Variants in ZSCAN25 observed in about 807,000 individuals in gnomAD.
ZSCAN25 encodes zinc finger and SCAN domain containing 25.
ZSCAN25 carries 27 observed loss-of-function variants against 38.7 expected under a neutral mutation model. That is an observed-to-expected ratio of 0.70 (90% CI 0.51 to 0.96). The LOEUF (loss-of-function observed/expected upper bound fraction) is 0.96. Among genes scored for constraint, ZSCAN25 ranks in the 40% least tolerant of loss-of-function variants. ZSCAN25 has a pLI of 0.00. For synonymous variants in ZSCAN25, 273 were observed against 277.7 expected, an observed-to-expected ratio of 0.98 and a Z score of 0.17; for missense variants, 637 against 705.9, an observed-to-expected ratio of 0.90 and a Z score of 1.11.
At chr7:99,654,187 C>T in the ZSCAN25 span, among the ~76,000 whole-genome samples, 18 of 152,186 alleles carry the variant, frequency 1.2e-4, no homozygotes, top group African/African-American at 4.3e-4. Flanking sequence ...CCCATTAACT[C>T]GTCATTTAAC....
chr7:99,624,282 T>C, intron 7 of ZSCAN25, 102 bp downstream of exon 7: 2 of 1,517,894 alleles, frequency 1.3e-6, no homozygotes, highest in Non-Finnish European at 1.8e-6. Context: ...GAAGGGGACT[T>C]CATGGCAGGC....
rs1457003006 is a variant in ZSCAN25 at position 99,630,067 on chromosome 7, G to A, written c.*47G>A. 6.8e-7 allele frequency: 1 copy of A among 1,463,524 alleles called. No homozygotes were observed. Among genetic ancestry groups the A allele is most frequent in the Non-Finnish European group, 9.0e-7 (1 of 1,106,920 alleles). The allele number at this position is 1,463,524 out of a possible 1,614,324, so 90.7% of individuals were successfully genotyped here. On this transcript the variant is annotated 3_prime_UTR_variant, in exon 8 of 8. Transcript: ENST00000394152. The stretch of plus-strand genomic sequence containing the variant: ...ACCATCATTCATCTTTCTCACTGCA[G>A]GGCCTTGCGGGGTGCAAGGTGATGG...
chr7:99,648,005 T>G, the ZSCAN25 span: 1 of 985,458 alleles, frequency 1.0e-6, no homozygotes, highest in African/African-American at 1.7e-5. Context: ...TATTCTCTGA[T>G]GAGAGCTCAG....
chr7:99,624,275 G>A, intron 7 of ZSCAN25, 95 bp downstream of exon 7: 2 of 1,555,118 alleles, frequency 1.3e-6, no homozygotes, highest in Admixed American at 3.4e-5. Flanking sequence ...GGCAAAGGAA[G>A]GGGACTTCAT....
the ZSCAN25 span, among the ~76,000 whole-genome samples, chr7:99,670,569 A>G: frequency 2.8e-3 from 421 of 152,304 alleles, 2 homozygotes; most frequent in Middle Eastern, 0.01. Flanking sequence ...TTACCTGGCA[A>G]TTTTGAAATG....
chr7:99,706,157 G>C, the ZSCAN25 span, among the ~76,000 whole-genome samples: 1 of 152,150 alleles, frequency 6.6e-6, no homozygotes, highest in Non-Finnish European at 1.5e-5. Context: ...GGTTTACAAG[G>C]GTAGTGCAAG....
the ZSCAN25 span, chr7:99,666,978 T>C: frequency 9.9e-6 from 16 of 1,614,080 alleles, no homozygotes; most frequent in Non-Finnish European, 1.4e-5. Flanking sequence ...CTGGTGAAGG[T>C]TGGAGACAGC....
the ZSCAN25 span, chr7:99,705,564 A>T: frequency 1.9e-6 from 3 of 1,613,760 alleles, no homozygotes; most frequent in Non-Finnish European, 2.5e-6. Flanking sequence ...TTCTGTTAGA[A>T]GAAGTCCTCC....
At chr7:99,713,422 C>T in the ZSCAN25 span, 2 of 1,611,216 alleles carry the variant, frequency 1.2e-6, no homozygotes, top group South Asian at 1.1e-5. Flanking sequence ...ACAAAACCTT[C>T]CCTCTGAGTG....
chr7:99,737,426 C>T, the ZSCAN25 span, among the ~76,000 whole-genome samples: 1 of 152,086 alleles, frequency 6.6e-6, no homozygotes, highest in East Asian at 1.9e-4. Flanking sequence ...ACAAAGGACT[C>T]CATCTCAGCA....
chr7:99,706,461 T>C, the ZSCAN25 span, among the ~76,000 whole-genome samples: 1 of 152,308 alleles, frequency 6.6e-6, no homozygotes, highest in Non-Finnish European at 1.5e-5. Context: ...ATGAAAATAA[T>C]ATGGAAACCA....
the ZSCAN25 span, among the ~76,000 whole-genome samples, chr7:99,708,129 T>G: frequency 1.3e-5 from 2 of 152,248 alleles, no homozygotes; most frequent in Non-Finnish European, 2.9e-5. Context: ...CATATTTTGC[T>G]ATGAGAATTG....
chr7:99,631,097 T>G lies in ZSCAN25; in HGVS notation c.*1077T>G. ...GAAGCTGTTGACCTCGTAGAGCTTATGTCTCGTGGATGTACCTGATCTTCA... is the reference window on the plus strand; with the variant it reads ...GAAGCTGTTGACCTCGTAGAGCTTAGGTCTCGTGGATGTACCTGATCTTCA... On this transcript the variant is annotated 3_prime_UTR_variant, in exon 8 of 8. Coordinates refer to ENST00000394152, the MANE Select transcript of ZSCAN25 (RefSeq NM_145115.3). 1 of 985,456 alleles carries G rather than the reference T, an allele frequency of 1.0e-6. No individual in the cohort carries two copies. The highest frequency in any genetic ancestry group is 6.1e-5 in the Admixed American group (1 of 16,290). 61.0% of individuals were successfully genotyped at this position (985,456 alleles called of 1,614,324 possible).
the ZSCAN25 span, chr7:99,710,695 C>T: frequency 6.2e-7 from 1 of 1,613,522 alleles, no homozygotes; most frequent in East Asian, 2.2e-5. Context: ...GCTAAGGCTT[C>T]ACCTCCTCCC....
chr7:99,682,638 G>GT, the ZSCAN25 span, among the ~76,000 whole-genome samples: 249 of 146,184 alleles, frequency 1.7e-3, 2 homozygotes, highest in Admixed American at 1.8e-3. Context: ...AAATTTTAGG[G>GT]TTTTTTTTTT....
chr7:99,622,412 A>T, intron 5 of ZSCAN25, 137 bp from the exon 6 acceptor site: 1 of 816,446 alleles, frequency 1.2e-6, no homozygotes, highest in Non-Finnish European at 2.1e-6. Flanking sequence ...GTGTGGTACC[A>T]GAGTGAAAAG....
At chr7:99,649,390 A>G in the ZSCAN25 span, among the ~76,000 whole-genome samples, 1 of 152,212 alleles carries the variant, frequency 6.6e-6, no homozygotes, top group Non-Finnish European at 1.5e-5. Context: ...TGAATCAATG[A>G]CATCTGTTCT....
Position 99,630,257 on chromosome 7 carries a change from G to C in ZSCAN25, c.*237G>C. 7.6e-7 allele frequency: 1 copy of C among 1,321,798 alleles called. No individual in the cohort carries two copies. The highest frequency in any genetic ancestry group is 9.6e-7 in the Non-Finnish European group (1 of 1,039,264). 81.9% of individuals were successfully genotyped at this position (1,321,798 alleles called of 1,614,324 possible). A position where few individuals can be genotyped will look rare whatever the true frequency, so the allele number is the denominator to read the frequency against. On this transcript the variant is annotated 3_prime_UTR_variant, in exon 8 of 8. Coordinates refer to ENST00000394152, the MANE Select transcript of ZSCAN25 (RefSeq NM_145115.3). ...ATGTTTGAGGGAAGCAGTCTCCTGC[G>C]GTTCAGTTCAGGCTGAGATTTTCTC... is the stretch of plus-strand genomic sequence containing the variant.
chr7:99,679,292 G>A, the ZSCAN25 span, among the ~76,000 whole-genome samples: 1 of 152,100 alleles, frequency 6.6e-6, no homozygotes, highest in African/African-American at 2.4e-5. Flanking sequence ...TGAAGTCTTG[G>A]TGTCCCCTGG....
Sources: gnomAD v4.1 joint callset for allele counts (sites outside exome capture counted in the v4.1 genomes callset) on GRCh38, gnomAD v4.1.1 for gene constraint, MANE v1.5 for transcripts, NCBI Gene and HGNC (gene_info 2026-07-23, HGNC 2026-07-21) for gene names.